CACNA2D1: variants seen among roughly 807,000 people sequenced by gnomAD.
CACNA2D1 encodes the protein calcium voltage-gated channel auxiliary subunit alpha2delta 1, also known as voltage-dependent calcium channel subunit alpha-2/delta-1.
A neutral mutation model predicts 171.5 loss-of-function variants in CACNA2D1; 53 were observed. The ratio of observed to expected loss-of-function variants is 0.31; its 90% CI spans 0.25 to 0.39. CACNA2D1 has a LOEUF of 0.39. Ranked by LOEUF, CACNA2D1 falls within the 10% of genes least tolerant of loss-of-function variation. The probability of loss-of-function intolerance (pLI) is 1.00; values close to 1 mark genes in which losing one functional copy is unlikely to be tolerated. For synonymous variants in CACNA2D1, 442 were observed against 443.1 expected (o/e 1.00, Z 0.03); for missense variants, 903 against 1,299.8 (o/e 0.69, Z 4.69).
chr7:81,967,233 C>A (rs370925779), intron 30 of CACNA2D1, 26 bp from the exon 31 acceptor site: 1 of 1,591,434 alleles, frequency 6.3e-7, no homozygotes, highest in Non-Finnish European at 8.6e-7. Flanking sequence ...GCGATTATCA[C>A]CTCACTTTTA....
intron 5 of CACNA2D1, among the ~76,000 whole-genome samples, chr7:82,122,079 A>C (rs895562582): frequency 1.3e-5 from 2 of 152,208 alleles, no homozygotes; most frequent in African/African-American, 4.8e-5. Context: ...TGTATAAAAG[A>C]GAAGAAACAG....
intron 9 of CACNA2D1, among the ~76,000 whole-genome samples, chr7:82,060,979 G>A (rs1806827672): frequency 6.6e-6 from 1 of 151,986 alleles, no homozygotes; most frequent in Non-Finnish European, 1.5e-5. Context: ...GCCTTGTTCT[G>A]CATCCTAAAG....
chr7:82,138,860 C>A (rs191187033), intron 4 of CACNA2D1, among the ~76,000 whole-genome samples: 1 of 152,100 alleles, frequency 6.6e-6, no homozygotes, highest in African/African-American at 2.4e-5. Flanking sequence ...CTGCTTGTAC[C>A]TCTGCAGTTT....
chr7:82,200,343 A>C, intron 3 of CACNA2D1, among the ~76,000 whole-genome samples: 1 of 152,188 alleles, frequency 6.6e-6, no homozygotes, highest in Non-Finnish European at 1.5e-5. Flanking sequence ...TCATAATATT[A>C]ATTGAAATAT....
chr7:82,049,483 A>G (rs1011016026), intron 10 of CACNA2D1, among the ~76,000 whole-genome samples: 4 of 152,210 alleles, frequency 2.6e-5, no homozygotes, highest in African/African-American at 9.6e-5. Flanking sequence ...ATGATTATTT[A>G]CAACAAGCCC....
chr7:82,119,922 C>T (rs1419430561), intron 5 of CACNA2D1, among the ~76,000 whole-genome samples: 1 of 152,188 alleles, frequency 6.6e-6, no homozygotes, highest in Non-Finnish European at 1.5e-5. Context: ...TGGCTCATGC[C>T]TGTAATCCCA....
chr7:82,318,581 C>G (rs1034752047), intron 3 of CACNA2D1, among the ~76,000 whole-genome samples: 4 of 152,166 alleles, frequency 2.6e-5, no homozygotes, highest in African/African-American at 7.2e-5. Context: ...GACCCCTTCT[C>G]CTTTGTTCTC....
chr7:82,372,753 T>C (rs1050156365), intron 1 of CACNA2D1, among the ~76,000 whole-genome samples: 12 of 152,176 alleles, frequency 7.9e-5, no homozygotes, highest in Admixed American at 1.3e-4. Flanking sequence ...ACCCTGTTTT[T>C]TGAAGGACTT....
At chr7:82,305,190 T>C (rs1813566079) in intron 3 of CACNA2D1, among the ~76,000 whole-genome samples, 1 of 152,200 alleles carries the variant, frequency 6.6e-6, no homozygotes. Flanking sequence ...TAAGACACTG[T>C]ATTTTGTAAG....
At chr7:82,283,438 T>C (rs556255852) in intron 3 of CACNA2D1, among the ~76,000 whole-genome samples, 9 of 152,222 alleles carry the variant, frequency 5.9e-5, no homozygotes, top group Non-Finnish European at 1.3e-4. Flanking sequence ...CAAAAAAGCA[T>C]AGATATTTAT....
chr7:82,307,475 T>C (rs967637023), intron 3 of CACNA2D1, among the ~76,000 whole-genome samples: 7 of 150,326 alleles, frequency 4.7e-5, no homozygotes, highest in African/African-American at 1.7e-4. Flanking sequence ...GTAATTCTTA[T>C]AAATAACTAT....
intron 12 of CACNA2D1, among the ~76,000 whole-genome samples, chr7:82,019,869 G>C (rs370899415): frequency 6.6e-6 from 1 of 152,068 alleles, no homozygotes; most frequent in Non-Finnish European, 1.5e-5. Flanking sequence ...TTAGAAAAAT[G>C]AAGTCAGAAA....
chr7:82,039,566 C>T (rs2131215091), intron 10 of CACNA2D1, among the ~76,000 whole-genome samples: 1 of 152,296 alleles, frequency 6.6e-6, no homozygotes, highest in Non-Finnish European at 1.5e-5. Flanking sequence ...ACTCATCCTG[C>T]ATTGCCTCTC....
chr7:82,335,370 T>C (rs1023365252), intron 2 of CACNA2D1, 119 bp from the exon 3 acceptor site: 1 of 704,388 alleles, frequency 1.4e-6, no homozygotes, highest in Non-Finnish European at 2.5e-6. Context: ...CTGTTCTTTA[T>C]CTTGATCTTT....
At chr7:82,398,534 T>C (rs1825982980) in intron 1 of CACNA2D1, among the ~76,000 whole-genome samples, 1 of 151,962 alleles carries the variant, frequency 6.6e-6, no homozygotes, top group South Asian at 2.1e-4. Context: ...TTTGTTCATT[T>C]CTGAGCGAGG....
intron 12 of CACNA2D1, among the ~76,000 whole-genome samples, chr7:82,032,235 T>A (rs1332526785): frequency 2.0e-5 from 3 of 151,976 alleles, no homozygotes; most frequent in Non-Finnish European, 4.4e-5. Context: ...ACAGTCTTCA[T>A]TTGCTTATGA....
chr7:82,364,973 T>C (rs982846027), intron 1 of CACNA2D1, among the ~76,000 whole-genome samples: 8 of 152,108 alleles, frequency 5.3e-5, no homozygotes, highest in African/African-American at 1.9e-4. Flanking sequence ...CATTCCTGAT[T>C]GACCAATTCT....
intron 3 of CACNA2D1, among the ~76,000 whole-genome samples, chr7:82,190,231 C>A (rs1798158642): frequency 6.6e-6 from 1 of 151,790 alleles, no homozygotes; most frequent in Non-Finnish European, 1.5e-5. Flanking sequence ...AACAGCAAGA[C>A]TGCATTACTC....
At chr7:82,272,496 G>A (rs1290275298) in intron 3 of CACNA2D1, among the ~76,000 whole-genome samples, 3 of 152,120 alleles carry the variant, frequency 2.0e-5, no homozygotes, top group African/African-American at 7.2e-5. Flanking sequence ...TAAGAAACTA[G>A]GTTGTAAAAG....
Sources: gnomAD v4.1 joint callset for allele counts (sites outside exome capture counted in the v4.1 genomes callset) on GRCh38, gnomAD v4.1.1 for gene constraint, MANE v1.5 for transcripts, NCBI Gene and HGNC (gene_info 2026-07-23, HGNC 2026-07-21) for gene names.